ALDH1A3: variants seen among roughly 807,000 people sequenced by gnomAD.
The protein encoded by ALDH1A3 is retinaldehyde dehydrogenase 3.
Under a neutral mutation model 57.5 loss-of-function variants are expected in ALDH1A3, and 28 were observed. The ratio of observed to expected loss-of-function variants is 0.49; its 90% CI spans 0.36 to 0.67. ALDH1A3 has a LOEUF of 0.67. ALDH1A3 is among the 30% of genes least tolerant of loss of function. ALDH1A3 has a pLI of 0.00. For synonymous variants in ALDH1A3, 281 were observed against 264.8 expected (o/e 1.06, Z -0.59); for missense variants, 507 against 669.4 (o/e 0.76, Z 2.68).
intron 4 of ALDH1A3, 86 bp downstream of exon 4, chr15:100,892,725 C>G (rs2041662658): frequency 6.6e-7 from 1 of 1,515,652 alleles, no homozygotes; most frequent in East Asian, 2.3e-5. Context: ...GACTGTTTCC[C>G]TAAGGCACCA....
In ALDH1A3 at chr15:100,885,413, GGAT is replaced by G. The variant is rs2041585506; in HGVS notation, c.204+45_204+47del. ...AATTTGCTCTAAGTAATTCAATTAT[GGAT>G]GACCAAAGGATAAGGAAACGGTTCG... is the stretch of plus-strand genomic sequence containing the variant. On this transcript the variant is annotated intron_variant, in intron 2 of 12. Coordinates refer to ENST00000329841, the MANE Select transcript of ALDH1A3 (RefSeq NM_000693.4). 2.1e-6 allele frequency: 3 copies of G among 1,425,832 alleles called. No homozygotes were observed. In the South Asian group the frequency reaches 3.5e-5, roughly 16 times the overall value. 88.3% of individuals were successfully genotyped at this position (1,425,832 alleles called of 1,614,324 possible).
In ALDH1A3 at chr15:100,894,326, C is replaced by G. The variant is rs576125818; in HGVS notation, c.666+244C>G. 246 of 442,938 alleles carry G rather than the reference C, an allele frequency of 5.6e-4. 1 individual carries two copies. Among genetic ancestry groups the G allele is most frequent in the African/African-American group, 4.5e-3 (226 of 50,560 alleles). The allele number at this position is 442,938 out of a possible 1,614,324, so 27.4% of individuals were successfully genotyped here. On this transcript the variant is annotated intron_variant, in intron 6 of 12. Transcript: ENST00000329841. The surrounding 1 kb of genome is among the most constrained non-coding windows in gnomAD (Gnocchi z 4.5). Reference sequence around the variant, plus strand: ...CTTAACTCTTATTATGGGCTCAAACCTATGGTTGAGGACCCAGTGGTTTGT... The same window carrying G: ...CTTAACTCTTATTATGGGCTCAAACGTATGGTTGAGGACCCAGTGGTTTGT...
At chr15:100,892,713 CT>C (rs1342085391) in intron 4 of ALDH1A3, 74 bp downstream of exon 4, 21 of 1,532,066 alleles carry the variant, frequency 1.4e-5, no homozygotes, top group Admixed American at 4.3e-5. Context: ...AGAGCCCCCC[CT>C]GACTGTTTCC....
intron 12 of ALDH1A3, among the ~76,000 whole-genome samples, chr15:100,909,637 T>G (rs1279290832): frequency 6.6e-6 from 1 of 152,170 alleles, no homozygotes; most frequent in Non-Finnish European, 1.5e-5. Flanking sequence ...CCTCCACACT[T>G]CCTTTTTTGT....
At chr15:100,903,055 A>G (rs2041785987) in intron 9 of ALDH1A3, among the ~76,000 whole-genome samples, 1 of 152,150 alleles carries the variant, frequency 6.6e-6, no homozygotes, top group South Asian at 2.1e-4. Context: ...TCTGTTGCAA[A>G]GCTGTTTTTG....
chr15:100,884,324 A>C (rs540716874), intron 1 of ALDH1A3, among the ~76,000 whole-genome samples: 4 of 152,226 alleles, frequency 2.6e-5, no homozygotes, highest in Non-Finnish European at 5.9e-5. Flanking sequence ...TAAATAGTAC[A>C]TATGTTTCAG....
chr15:100,913,792 C>T (rs1326080043), intron 12 of ALDH1A3: 2 of 152,240 alleles, frequency 1.3e-5, no homozygotes, highest in Non-Finnish European at 2.9e-5. Flanking sequence ...GTCTGGGGAC[C>T]ACACTTTGAG....
intron 9 of ALDH1A3, among the ~76,000 whole-genome samples, chr15:100,901,410 C>T (rs1194406515): frequency 6.6e-6 from 1 of 152,168 alleles, no homozygotes; most frequent in Non-Finnish European, 1.5e-5. Flanking sequence ...AAATGGAGCT[C>T]AGCAGTCACT....
At chr15:100,884,446 C>T (rs909454004) in intron 1 of ALDH1A3, among the ~76,000 whole-genome samples, 3 of 152,100 alleles carry the variant, frequency 2.0e-5, no homozygotes, top group African/African-American at 4.8e-5. Context: ...GTGATTTCTG[C>T]GGGTTATATA....
At position 100,887,873 on chromosome 15, in the gene ALDH1A3, TA is replaced by T. The variant is rs561764399; in HGVS notation, c.345+163del. Reference sequence around the variant, plus strand: ...GCTCTCTGGCAATACTTGCAGGTGTTAATGCCTCTAGACTGAATCCCTTTCA... The same window carrying T: ...GCTCTCTGGCAATACTTGCAGGTGTTATGCCTCTAGACTGAATCCCTTTCA... On this transcript the variant is annotated intron_variant, in intron 3 of 12. Coordinates refer to ENST00000329841, the MANE Select transcript of ALDH1A3 (RefSeq NM_000693.4). The surrounding 1 kb of genome is among the most constrained non-coding windows in gnomAD (Gnocchi z 4.6). Among the ~76,000 whole-genome samples the T allele has an allele frequency of 1.4e-3, 217 of 152,332 alleles. 1 individual carries two copies. Among genetic ancestry groups the T allele is most frequent in the African/African-American group, 4.9e-3 (203 of 41,574 alleles).
rs142377552 is a variant in ALDH1A3 at position 100,898,145 on chromosome 15, G to T, written c.843G>T (p.Leu281=). Residue 281 remains leucine (L), a synonymous_variant, in exon 8 of 13, where the codon CTG becomes CTT. Transcript: ENST00000329841. ...RSNLKRVTLE[L]GGKNPCIVCA... is the part of the protein sequence containing the mutation. ...ATCTGAAGCGGGTGACGCTGGAGCT[G>T]GGGGGGAAGAACCCCTGCATCGTGT... 6.6e-5 allele frequency: 107 copies of T among 1,612,946 alleles called. No homozygotes were observed. Among genetic ancestry groups the T allele is most frequent in the Non-Finnish European group, 8.1e-5 (96 of 1,179,282 alleles).
At position 100,906,980 on chromosome 15, in the gene ALDH1A3, C is replaced by T; in HGVS notation, c.1234-141C>T. 2.2e-6 allele frequency: 2 copies of T among 902,612 alleles called. No individual in the cohort carries two copies. Among genetic ancestry groups the T allele is most frequent in the Non-Finnish European group, 3.2e-6 (2 of 620,618 alleles). 55.9% of individuals were successfully genotyped at this position (902,612 alleles called of 1,614,324 possible). On this transcript the variant is annotated intron_variant, in intron 10 of 12. Coordinates refer to ENST00000329841, the MANE Select transcript of ALDH1A3 (RefSeq NM_000693.4). The surrounding 1 kb of genome is among the most constrained non-coding windows in gnomAD (Gnocchi z 4.8). The stretch of plus-strand genomic sequence containing the variant: ...GCAGCTGAAGCAATGTTTGGACGTT[C>T]TTTCTTCTCTAATCATCGTTTTTCA...
In ALDH1A3 at chr15:100,910,811, C is replaced by T. The variant is rs145165021; in HGVS notation, c.1466+2329C>T. 7.8e-3 allele frequency among the ~76,000 whole-genome samples: 1,189 copies of T among 152,342 alleles called. 24 individuals carry two copies. The highest frequency in any genetic ancestry group is 0.027 in the African/African-American group (1,127 of 41,576). ...TCCTCCCAGACGCCAGACACAGCCT[C>T]ACGCCACAGCAAGGACTCCAGTCCC... On this transcript the variant is annotated intron_variant, in intron 12 of 12. Transcript: ENST00000329841.
intron 1 of ALDH1A3, chr15:100,880,496 G>A (rs893676497): frequency 6.3e-6 from 2 of 319,764 alleles, no homozygotes; most frequent in African/African-American, 2.2e-5. Context: ...TTGGAAGACT[G>A]GGGAAGCGGG....
rs541553337 is a variant in ALDH1A3, at chr15:100,907,289, T to C, written c.1391+11T>C. On this transcript the variant is annotated intron_variant, in intron 11 of 12. Coordinates refer to ENST00000329841, the MANE Select transcript of ALDH1A3 (RefSeq NM_000693.4). ...GTCTGGAACGGTCTGGTGAGTTGACTGTGTGTGTATTTCAGCTCTCCTGAG... is the reference window on the plus strand; with the variant it reads ...GTCTGGAACGGTCTGGTGAGTTGACCGTGTGTGTATTTCAGCTCTCCTGAG... 3 of 1,611,296 alleles carry C rather than the reference T, an allele frequency of 1.9e-6. No homozygotes were observed. Among genetic ancestry groups the C allele is most frequent in the African/African-American group, 1.3e-5 (1 of 74,882 alleles).
chr15:100,908,201 C>T (rs1043022501), intron 11 of ALDH1A3, among the ~76,000 whole-genome samples: 1 of 152,096 alleles, frequency 6.6e-6, no homozygotes, highest in Admixed American at 6.5e-5. Context: ...ATGAAACACA[C>T]TCTGTACTTG....
chr15:100,913,113 G>C (rs1357682820), intron 12 of ALDH1A3: 1 of 138,428 alleles, frequency 7.2e-6, no homozygotes, highest in African/African-American at 2.7e-5. Context: ...AGCCGAGATC[G>C]CGCCACTGCA....
chr15:100,914,588 C>T (rs2041912144), intron 12 of ALDH1A3, 113 bp from the exon 13 acceptor site: 1 of 940,662 alleles, frequency 1.1e-6, no homozygotes, highest in Admixed American at 2.5e-5. Flanking sequence ...CACATTTTAA[C>T]CTTTTGCATA....
intron 12 of ALDH1A3, among the ~76,000 whole-genome samples, chr15:100,908,973 G>A (rs919883035): frequency 1.1e-4 from 17 of 152,126 alleles, no homozygotes; most frequent in Admixed American, 7.2e-4. Context: ...GGGCCTCTGC[G>A]GCCCTCTCAG....
Sources: allele counts gnomAD v4.1 joint callset (sites outside exome capture counted in the v4.1 genomes callset), GRCh38; gene constraint gnomAD v4.1.1; non-coding constraint Gnocchi (gnomAD v3.1); transcripts MANE v1.5; gene names NCBI Gene and HGNC (gene_info 2026-07-23, HGNC 2026-07-21).